UTRN: variants seen among roughly 807,000 people sequenced by gnomAD.
The protein encoded by UTRN is utrophin.
UTRN carries 283 observed loss-of-function variants against 463.9 expected under a neutral mutation model. The ratio of observed to expected loss-of-function variants is 0.61; its 90% CI spans 0.55 to 0.67. The LOEUF (loss-of-function observed/expected upper bound fraction) is 0.67. Ranked by LOEUF, UTRN falls within the 30% of genes least tolerant of loss-of-function variation. The pLI is 0.00. For synonymous variants in UTRN, 1,442 were observed against 1,431.5 expected (o/e 1.01, Z -0.17); for missense variants, 3,922 against 4,084.3 (o/e 0.96, Z 1.08).
At chr6:144,840,440 C>T (rs2128762595) in intron 72 of UTRN, among the ~76,000 whole-genome samples, 1 of 152,178 alleles carries the variant, frequency 6.6e-6, no homozygotes, top group Admixed American at 6.5e-5. Context: ...CTCATTCAAA[C>T]ACTGAAATAA....
intron 39 of UTRN, among the ~76,000 whole-genome samples, chr6:144,519,279 T>C (rs1375504170): frequency 6.6e-6 from 1 of 152,172 alleles, no homozygotes; most frequent in Non-Finnish European, 1.5e-5. Flanking sequence ...TGACTATGTT[T>C]TCCCTTAGTG....
chr6:144,751,039 G>A (rs1791337922), intron 55 of UTRN, among the ~76,000 whole-genome samples: 1 of 152,120 alleles, frequency 6.6e-6, no homozygotes, highest in Non-Finnish European at 1.5e-5. Flanking sequence ...GACAGGGATA[G>A]ATCTTACCTC....
At chr6:144,563,847 T>A (rs1294469639) in intron 50 of UTRN, among the ~76,000 whole-genome samples, 2 of 152,204 alleles carry the variant, frequency 1.3e-5, no homozygotes, top group African/African-American at 4.8e-5. Flanking sequence ...GCCAACAATG[T>A]CTTTGTGATA....
At chr6:144,355,043 T>C (rs889005773) in intron 2 of UTRN, among the ~76,000 whole-genome samples, 2 of 152,106 alleles carry the variant, frequency 1.3e-5, no homozygotes, top group Admixed American at 6.6e-5. Context: ...GTTGCTCAGA[T>C]TTTTTGTTGT....
At chr6:144,360,554 C>G (rs1440961931) in intron 2 of UTRN, among the ~76,000 whole-genome samples, 10 of 152,196 alleles carry the variant, frequency 6.6e-5, no homozygotes, top group Admixed American at 6.5e-4. Flanking sequence ...GCTGTCAGTA[C>G]TTCTGGTGCA....
At position 144,490,946 on chromosome 6, in the gene UTRN, G is replaced by A; in HGVS notation, c.4281G>A (p.Val1427=). ...MDVLQRKLRE[V]STKFQLFQKP... ...GCAAACAGAGGAAACTCCGAGAGGT[G>A]TCCACAAAGTTCCAGCTTTTCCAGA... is the stretch of plus-strand genomic sequence containing the variant. The change falls in exon 32 of 75, where the codon GTG becomes GTA. Residue 1427 remains valine (V), a synonymous_variant. Coordinates refer to ENST00000367545, the MANE Select transcript of UTRN (RefSeq NM_007124.3). 1 of 1,603,898 alleles carries A rather than the reference G, an allele frequency of 6.2e-7. No homozygotes were observed. The highest frequency in any genetic ancestry group is 8.5e-7 in the Non-Finnish European group (1 of 1,175,232).
chr6:144,732,226 A>ATATACATATATATATATATG (rs1788633060), intron 54 of UTRN, among the ~76,000 whole-genome samples: 3 of 43,632 alleles, frequency 6.9e-5, no homozygotes, highest in African/African-American at 3.2e-4. Context: ...ATATATATAT[A>ATATACATATATATATATATG]TATATATATA....
At chr6:144,577,426 T>C in intron 51 of UTRN, 138 bp downstream of exon 51, 1 of 891,102 alleles carries the variant, frequency 1.1e-6, no homozygotes, top group Non-Finnish European at 1.6e-6. Flanking sequence ...CTGTGAATAA[T>C]AGGTTTCTTG....
intron 43 of UTRN, among the ~76,000 whole-genome samples, chr6:144,533,566 G>A (rs539689267): frequency 6.6e-6 from 1 of 152,028 alleles, no homozygotes; most frequent in Admixed American, 6.6e-5. Context: ...GAAACTCCAG[G>A]TTTCAGGTTT....
At chr6:144,642,972 T>C (rs1777916210) in intron 51 of UTRN, among the ~76,000 whole-genome samples, 1 of 152,178 alleles carries the variant, frequency 6.6e-6, no homozygotes, top group African/African-American at 2.4e-5. Flanking sequence ...TTTATCAGAA[T>C]CCCAAATCCT....
intron 58 of UTRN, among the ~76,000 whole-genome samples, chr6:144,770,369 T>G (rs1175195210): frequency 1.3e-5 from 2 of 152,226 alleles, no homozygotes; most frequent in Non-Finnish European, 2.9e-5. Context: ...TGCCCCAGTT[T>G]TTGATATATT....
intron 51 of UTRN, among the ~76,000 whole-genome samples, chr6:144,617,100 T>C (rs1305826311): frequency 1.3e-5 from 2 of 152,162 alleles, no homozygotes; most frequent in Admixed American, 6.6e-5. Context: ...ATAGAAATGA[T>C]TTCTTGAGAT....
At chr6:144,663,135 C>G (rs1014263646) in intron 51 of UTRN, among the ~76,000 whole-genome samples, 1 of 152,102 alleles carries the variant, frequency 6.6e-6, no homozygotes, top group Non-Finnish European at 1.5e-5. Flanking sequence ...CAGCTCATTA[C>G]AGATTAGGAA....
At chr6:144,432,469 G>T (rs1024667829) in intron 9 of UTRN, among the ~76,000 whole-genome samples, 1 of 152,172 alleles carries the variant, frequency 6.6e-6, no homozygotes, top group African/African-American at 2.4e-5. Context: ...CCAGTGAAAG[G>T]TTTTCAGCAG....
chr6:144,613,840 C>T (rs1275816278), intron 51 of UTRN, among the ~76,000 whole-genome samples: 1 of 152,046 alleles, frequency 6.6e-6, no homozygotes, highest in African/African-American at 2.4e-5. Flanking sequence ...TGATATGATT[C>T]TCTTGTATTT....
At chr6:144,301,207 A>G (rs1348357049) in intron 2 of UTRN, among the ~76,000 whole-genome samples, 1 of 152,346 alleles carries the variant, frequency 6.6e-6, no homozygotes, top group Non-Finnish European at 1.5e-5. Flanking sequence ...GGCCAGTTCT[A>G]TAATGTTAAC....
intron 51 of UTRN, among the ~76,000 whole-genome samples, chr6:144,612,028 G>A (rs992781694): frequency 2.0e-5 from 3 of 152,020 alleles, no homozygotes; most frequent in African/African-American, 4.8e-5. Flanking sequence ...GCAATTCCAC[G>A]TTGATCCATG....
At chr6:144,637,418 A>T (rs1422714216) in intron 51 of UTRN, among the ~76,000 whole-genome samples, 3 of 151,268 alleles carry the variant, frequency 2.0e-5, no homozygotes, top group Non-Finnish European at 4.4e-5. Flanking sequence ...TTATAGTTTA[A>T]TATAAACTAT....
rs762550578 is a variant in UTRN at position 144,451,485 on chromosome 6, A to G, written c.2188A>G (p.Lys730Glu). ...KMQDTSEMKK[K>E]LKALEKEQRE... ...GCAAGACACTTCCGAAATGAAAAAG[A>G]AGTTGAAGGTAAAAAACATAAACCA... The change falls in exon 18 of 75, where the codon AAG becomes GAG. Residue 730 changes from lysine to glutamate, a missense_variant. By Grantham distance (56) the Lys-to-Glu change is moderately conservative (BLOSUM62 1). This residue lies in a region of UTRN where 2,349 missense variants were observed against 2,303.8 expected (regional missense o/e 1.02). Coordinates refer to ENST00000367545, the MANE Select transcript of UTRN (RefSeq NM_007124.3). 1.9e-5 allele frequency: 31 copies of G among 1,609,678 alleles called. No individual in the cohort carries two copies. The highest frequency in any genetic ancestry group is 2.2e-5 in the Non-Finnish European group (26 of 1,178,908).
Sources: gnomAD v4.1 joint callset for allele counts (sites outside exome capture counted in the v4.1 genomes callset) on GRCh38, gnomAD v4.1.1 for gene constraint, gnomAD v4.1.1 regional missense constraint, MANE v1.5 for transcripts, NCBI Gene and HGNC (gene_info 2026-07-23, HGNC 2026-07-21) for gene names.